Variants in MCTP1 observed in about 807,000 individuals in gnomAD.
MCTP1 encodes the protein multiple C2 and transmembrane domain containing 1, also known as multiple C2 and transmembrane domain-containing protein 1.
Under a neutral mutation model 120.6 loss-of-function variants are expected in MCTP1, and 69 were observed. That is an observed-to-expected ratio of 0.57 (90% CI 0.47 to 0.70). MCTP1 has a LOEUF of 0.70. MCTP1 is among the 30% of genes least tolerant of loss of function. The probability of loss-of-function intolerance (pLI) is 0.00; values close to 1 mark genes in which losing one functional copy is unlikely to be tolerated. For synonymous variants in MCTP1, 529 were observed against 493.1 expected, an observed-to-expected ratio of 1.07 and a Z score of -0.96; for missense variants, 1,203 against 1,248.8, an observed-to-expected ratio of 0.96 and a Z score of 0.55.
At chr5:95,210,956 A>G (rs1471205337) in intron 1 of MCTP1, among the ~76,000 whole-genome samples, 2 of 151,830 alleles carry the variant, frequency 1.3e-5, no homozygotes. Flanking sequence ...CTGGATATGA[A>G]ATTCTGGGTT....
intron 3 of MCTP1, among the ~76,000 whole-genome samples, chr5:94,951,532 G>A (rs956418716): frequency 2.0e-5 from 3 of 152,100 alleles, no homozygotes; most frequent in Non-Finnish European, 4.4e-5. Flanking sequence ...GCCTGTTGCT[G>A]TCCTTATTAA....
At chr5:95,096,379 G>C (rs1176456005) in intron 1 of MCTP1, among the ~76,000 whole-genome samples, 1 of 152,082 alleles carries the variant, frequency 6.6e-6, no homozygotes, top group Admixed American at 6.5e-5. Flanking sequence ...ATTCACAAAA[G>C]GAATAAACCT....
intron 11 of MCTP1, among the ~76,000 whole-genome samples, chr5:94,891,315 G>A (rs1369668807): frequency 6.6e-6 from 1 of 152,124 alleles, no homozygotes; most frequent in African/African-American, 2.4e-5. Context: ...CACTGTGGGG[G>A]CGTTAGACAA....
intron 1 of MCTP1, among the ~76,000 whole-genome samples, chr5:95,196,616 A>G (rs548104490): frequency 2.2e-4 from 33 of 152,324 alleles, no homozygotes; most frequent in African/African-American, 7.2e-4. Context: ...AAGAAATCCT[A>G]TAAGTATATG....
At chr5:95,083,740 C>A (rs1451494642) in intron 1 of MCTP1, among the ~76,000 whole-genome samples, 1 of 152,092 alleles carries the variant, frequency 6.6e-6, no homozygotes, top group Non-Finnish European at 1.5e-5. Context: ...CTGTAATTAC[C>A]AGATACTGTT....
chr5:94,745,876 T>C (rs547141193), intron 19 of MCTP1, among the ~76,000 whole-genome samples: 1 of 152,326 alleles, frequency 6.6e-6, no homozygotes, highest in Admixed American at 6.5e-5. Context: ...ATGTTCAAAG[T>C]GATCATTTGG....
rs537504367 is a variant in MCTP1 at position 94,798,904 on chromosome 5, T to A, written c.2556+109A>T. On this transcript the variant is annotated intron_variant, in intron 18 of 22. Transcript: ENST00000515393. Reference sequence around the variant, plus strand: ...GATAAAACTTTCCTCTAAACTTGAGTATTTATAGACAGAATTCCTGGTTTG... The same window carrying A: ...GATAAAACTTTCCTCTAAACTTGAGAATTTATAGACAGAATTCCTGGTTTG... The A allele has an allele frequency of 3.0e-5, 35 of 1,156,586 alleles. No homozygotes were observed. The South Asian group carries it at 5.2e-4, about 17-fold the overall frequency. The allele number at this position is 1,156,586 out of a possible 1,614,324, so 71.6% of individuals were successfully genotyped here.
At chr5:95,157,264 C>A (rs1745227696) in intron 1 of MCTP1, among the ~76,000 whole-genome samples, 1 of 152,050 alleles carries the variant, frequency 6.6e-6, no homozygotes, top group African/African-American at 2.4e-5. Context: ...CAAAAGGTTT[C>A]TTTGGGAATG....
chr5:94,980,205 C>T (rs373482338), intron 2 of MCTP1, among the ~76,000 whole-genome samples: 52 of 152,170 alleles, frequency 3.4e-4, no homozygotes, highest in African/African-American at 1.1e-3. Flanking sequence ...TAATTGTTTT[C>T]CCCCTACTTT....
chr5:94,867,177 G>T, intron 17 of MCTP1: 5 of 1,320,684 alleles, frequency 3.8e-6, no homozygotes, highest in Non-Finnish European at 4.9e-6. Context: ...TTATAAGAAA[G>T]AGCTACAAAA....
chr5:94,764,686 A>G (rs1297160023), intron 19 of MCTP1, among the ~76,000 whole-genome samples: 1 of 152,096 alleles, frequency 6.6e-6, no homozygotes, highest in African/African-American at 2.4e-5. Flanking sequence ...AAGATCAACA[A>G]CTATAAATAT....
chr5:94,717,688 C>A (rs1465344448), intron 19 of MCTP1, among the ~76,000 whole-genome samples: 1 of 152,084 alleles, frequency 6.6e-6, no homozygotes, highest in Non-Finnish European at 1.5e-5. Flanking sequence ...ATATAAAAAT[C>A]AATGTGCAAA....
intron 1 of MCTP1, among the ~76,000 whole-genome samples, chr5:95,197,891 C>G (rs1750570753): frequency 6.6e-6 from 1 of 152,044 alleles, no homozygotes; most frequent in Admixed American, 6.6e-5. Context: ...TGTACATTCT[C>G]CTACGTACTT....
chr5:95,151,130 C>CATATATATATATATATATATATATAT (rs3037035), intron 1 of MCTP1, among the ~76,000 whole-genome samples: 3 of 125,948 alleles, frequency 2.4e-5, no homozygotes, highest in Non-Finnish European at 3.3e-5. Context: ...ACGCCTGGCT[C>CATATATATATATATATATATATATAT]ATATATATAT....
chr5:95,024,918 A>T (rs1173934905), intron 1 of MCTP1, among the ~76,000 whole-genome samples: 4 of 152,222 alleles, frequency 2.6e-5, no homozygotes, highest in Non-Finnish European at 5.9e-5. Context: ...GATATTGAAG[A>T]TGACACACAA....
intron 13 of MCTP1, among the ~76,000 whole-genome samples, chr5:94,871,661 T>C (rs1318430741): frequency 6.6e-6 from 1 of 152,130 alleles, no homozygotes; most frequent in Non-Finnish European, 1.5e-5. Flanking sequence ...GTTATCATTT[T>C]TTAATGAAAT....
intron 1 of MCTP1, among the ~76,000 whole-genome samples, chr5:95,165,808 T>C (rs1262549045): frequency 6.6e-6 from 1 of 152,238 alleles, no homozygotes. Context: ...TCTGCCCGGC[T>C]GTTTCCTATG....
intron 2 of MCTP1, among the ~76,000 whole-genome samples, chr5:94,976,469 A>G (rs759130757): frequency 1.3e-5 from 2 of 152,072 alleles, no homozygotes; most frequent in Non-Finnish European, 2.9e-5. Flanking sequence ...ATATATAAAT[A>G]AATAATAAAA....
intron 1 of MCTP1, among the ~76,000 whole-genome samples, chr5:95,146,672 T>C (rs1217254125): frequency 6.6e-6 from 1 of 152,224 alleles, no homozygotes; most frequent in Non-Finnish European, 1.5e-5. Flanking sequence ...AGTTGTTTAA[T>C]TTCCATGTTT....
Sources: gnomAD v4.1 joint callset for allele counts (sites outside exome capture counted in the v4.1 genomes callset) on GRCh38, gnomAD v4.1.1 for gene constraint, MANE v1.5 for transcripts, NCBI Gene and HGNC (gene_info 2026-07-23, HGNC 2026-07-21) for gene names.